NAA11: variants seen among roughly 807,000 people sequenced by gnomAD.
NAA11 encodes the protein N-alpha-acetyltransferase 11.
In NAA11, 15 loss-of-function variants were observed where a neutral mutation model predicts 16.1. That is an observed-to-expected ratio of 0.93 (90% CI 0.62 to 1.44). The LOEUF is 1.44. NAA11 is among the 40% of genes most tolerant of loss of function. The pLI is 0.00. For missense variants in NAA11, 298 were observed against 291.3 expected, an observed-to-expected ratio of 1.02 and a Z score of -0.17; for synonymous variants, 122 against 112.4, an observed-to-expected ratio of 1.09 and a Z score of -0.54.
At chr4:79,211,054 G>A in the NAA11 span, among the ~76,000 whole-genome samples, 1 of 152,002 alleles carries the variant, frequency 6.6e-6, no homozygotes, top group Non-Finnish European at 1.5e-5. Flanking sequence ...TTTTTGCCCA[G>A]TAATCTACTC....
chr4:79,204,700 C>G, the NAA11 span, among the ~76,000 whole-genome samples: 1 of 151,830 alleles, frequency 6.6e-6, no homozygotes, highest in Non-Finnish European at 1.5e-5. Context: ...TTTTTAATCC[C>G]TTATCCTCCT....
At chr4:79,319,360 G>A (rs971490253) in intron 1 of NAA11, among the ~76,000 whole-genome samples, 2 of 152,054 alleles carry the variant, frequency 1.3e-5, no homozygotes, top group Non-Finnish European at 2.9e-5. Flanking sequence ...AGAATACTAT[G>A]GCTTTACTTT....
chr4:79,172,565 A>G, the NAA11 span, among the ~76,000 whole-genome samples: 15 of 152,034 alleles, frequency 9.9e-5, no homozygotes, highest in African/African-American at 3.6e-4. Flanking sequence ...AGTCAGTAAC[A>G]CTCAAAGTTT....
chr4:79,198,838 C>T, the NAA11 span, among the ~76,000 whole-genome samples: 2 of 151,832 alleles, frequency 1.3e-5, no homozygotes, highest in African/African-American at 2.4e-5. Flanking sequence ...AATTTTAATT[C>T]TTGTGTAATA....
the NAA11 span, among the ~76,000 whole-genome samples, chr4:79,214,529 G>A: frequency 3.3e-5 from 5 of 152,284 alleles, no homozygotes; most frequent in East Asian, 5.8e-4. Flanking sequence ...ATCGGGCTCC[G>A]TGGCTCACGC....
chr4:79,194,300 G>C, the NAA11 span, among the ~76,000 whole-genome samples: 1 of 152,128 alleles, frequency 6.6e-6, no homozygotes, highest in Non-Finnish European at 1.5e-5. Flanking sequence ...CTTTGCATGA[G>C]CATGGGATGT....
chr4:79,280,704 G>A (rs770682872), intron 2 of NAA11, among the ~76,000 whole-genome samples: 7 of 151,796 alleles, frequency 4.6e-5, no homozygotes, highest in South Asian at 2.1e-4. Flanking sequence ...GGACAAAGGC[G>A]GTATCTTTCA....
chr4:79,263,559 C>T (rs1722282350), intron 2 of NAA11, among the ~76,000 whole-genome samples: 1 of 152,142 alleles, frequency 6.6e-6, no homozygotes, highest in African/African-American at 2.4e-5. Context: ...AACTAGTTAA[C>T]AATGAGTGCT....
intron 2 of NAA11, among the ~76,000 whole-genome samples, chr4:79,259,400 C>T (rs1254446521): frequency 2.6e-5 from 4 of 152,322 alleles, no homozygotes; most frequent in Admixed American, 2.6e-4. Context: ...AGAGCTGGCA[C>T]CCATGCTGGC....
chr4:79,194,227 G>A, the NAA11 span, among the ~76,000 whole-genome samples: 48 of 152,190 alleles, frequency 3.2e-4, no homozygotes, highest in African/African-American at 1.2e-3. Context: ...AATTTAATAG[G>A]AATAGTATTG....
At chr4:79,219,271 C>T in the NAA11 span, among the ~76,000 whole-genome samples, 27 of 152,088 alleles carry the variant, frequency 1.8e-4, no homozygotes, top group Non-Finnish European at 2.6e-4. Flanking sequence ...ATTTCCATTG[C>T]TTTAATTATG....
chr4:79,304,486 A>AT (rs1475437954), intron 1 of NAA11, among the ~76,000 whole-genome samples: 1 of 152,156 alleles, frequency 6.6e-6, no homozygotes, highest in Non-Finnish European at 1.5e-5. Flanking sequence ...ATATAAAGAC[A>AT]TTTTTTATTT....
At chr4:79,180,195 A>G in the NAA11 span, among the ~76,000 whole-genome samples, 6 of 152,208 alleles carry the variant, frequency 3.9e-5, no homozygotes, top group Admixed American at 3.9e-4. Context: ...TGTAAATGAA[A>G]GAATGGAGTT....
downstream of NAA11, among the ~76,000 whole-genome samples, chr4:79,313,376 C>G (rs1723835191): frequency 6.6e-6 from 1 of 152,060 alleles, no homozygotes; most frequent in Non-Finnish European, 1.5e-5. Context: ...ATAAGCCAAA[C>G]TAGGACTAAA....
intron 2 of NAA11, among the ~76,000 whole-genome samples, chr4:79,292,510 A>G (rs971645465): frequency 6.6e-6 from 1 of 152,190 alleles, no homozygotes; most frequent in Non-Finnish European, 1.5e-5. Context: ...CAATTTGTAC[A>G]TCTGTGCCTG....
intron 2 of NAA11, among the ~76,000 whole-genome samples, chr4:79,257,197 T>A (rs533731383): frequency 4.6e-4 from 70 of 152,330 alleles, no homozygotes; most frequent in Admixed American, 1.4e-3. Context: ...ACAGAGCACA[T>A]AGCCATTACA....
At chr4:79,223,983 G>A (rs1721256709), downstream of NAA11, among the ~76,000 whole-genome samples, 1 of 152,000 alleles carries the variant, frequency 6.6e-6, no homozygotes, top group African/African-American at 2.4e-5. Context: ...AACAATTTTA[G>A]TTTCTGTTTT....
the NAA11 span, among the ~76,000 whole-genome samples, chr4:79,214,742 G>A: frequency 2.0e-5 from 3 of 152,134 alleles, no homozygotes; most frequent in South Asian, 6.2e-4. Flanking sequence ...AGCTTGCAGT[G>A]AGCCGAGATG....
intron 2 of NAA11, among the ~76,000 whole-genome samples, chr4:79,248,412 T>C (rs1345597915): frequency 3.9e-5 from 6 of 152,090 alleles, no homozygotes; most frequent in Non-Finnish European, 7.4e-5. Context: ...GGCAGGTATT[T>C]GCATATACAC....
Sources: allele counts gnomAD v4.1 joint callset (sites outside exome capture counted in the v4.1 genomes callset), GRCh38; gene constraint gnomAD v4.1.1; transcripts MANE v1.5; gene names NCBI Gene and HGNC (gene_info 2026-07-23, HGNC 2026-07-21).